Variants in PPP2R2D observed in about 807,000 individuals in gnomAD.
PPP2R2D encodes protein phosphatase 2 regulatory subunit Bdelta, also known as serine/threonine-protein phosphatase 2A 55 kDa regulatory subunit B delta isoform.
Under a neutral mutation model 31.1 loss-of-function variants are expected in PPP2R2D, and 9 were observed. The observed-to-expected ratio is 0.29, with a 90% CI of 0.17 to 0.51. PPP2R2D has a LOEUF of 0.51. PPP2R2D is among the 20% of genes least tolerant of loss of function. The pLI is 0.98. For missense variants in PPP2R2D, 391 were observed against 465.6 expected (o/e 0.84, Z 1.48); for synonymous variants, 179 against 172.6 (o/e 1.04, Z -0.29).
chr10:131,927,479 C>T (rs1006748470), intron 2 of PPP2R2D, among the ~76,000 whole-genome samples: 7 of 152,154 alleles, frequency 4.6e-5, no homozygotes, highest in African/African-American at 1.4e-4. Flanking sequence ...CGAGTGAAGA[C>T]GGATAGCTGC....
intron 2 of PPP2R2D, among the ~76,000 whole-genome samples, chr10:131,902,059 G>A (rs2035509194): frequency 6.6e-6 from 1 of 152,102 alleles, no homozygotes; most frequent in Non-Finnish European, 1.5e-5. Context: ...GGAGGGAACT[G>A]GGAAGTGCCT....
chr10:131,941,397 C>T (rs782633172), intron 5 of PPP2R2D, among the ~76,000 whole-genome samples: 2 of 152,254 alleles, frequency 1.3e-5, no homozygotes, highest in African/African-American at 4.8e-5. Context: ...GAAGGGTGTC[C>T]GGCAAACTGG....
Position 131,956,602 on chromosome 10 carries a change from G to C in PPP2R2D, c.*639G>C. On this transcript the variant is annotated 3_prime_UTR_variant, in exon 9 of 9. Coordinates refer to ENST00000455566, the MANE Select transcript of PPP2R2D (RefSeq NM_018461.5). ...TTATTGCATAGAATGAAGTTATGCA[G>C]GGTTCTTCTTTGGAACTAACTGTTT... 1 of 967,256 alleles carries C rather than the reference G, an allele frequency of 1.0e-6. No individual in the cohort carries two copies. Among genetic ancestry groups the C allele is most frequent in the Non-Finnish European group, 1.2e-6 (1 of 813,352 alleles). 59.9% of individuals were successfully genotyped at this position (967,256 alleles called of 1,614,324 possible).
At chr10:131,910,187 G>A (rs1000172600) in intron 2 of PPP2R2D, among the ~76,000 whole-genome samples, 25 of 152,182 alleles carry the variant, frequency 1.6e-4, no homozygotes, top group Non-Finnish European at 3.2e-4. Flanking sequence ...ACTCTCTTCC[G>A]TCAGAACCCT....
At chr10:131,936,557 C>G (rs1383726974) in intron 3 of PPP2R2D, among the ~76,000 whole-genome samples, 1 of 152,216 alleles carries the variant, frequency 6.6e-6, no homozygotes, top group Non-Finnish European at 1.5e-5. Context: ...GGGAAGATGC[C>G]TCATCCCTGC....
At chr10:131,923,118 A>G (rs1056953277) in intron 2 of PPP2R2D, among the ~76,000 whole-genome samples, 4 of 152,188 alleles carry the variant, frequency 2.6e-5, no homozygotes, top group Non-Finnish European at 5.9e-5. Flanking sequence ...CATCACCCCT[A>G]AAAGAAACCC....
chr10:131,937,426 G>A (rs1554896658), intron 3 of PPP2R2D, among the ~76,000 whole-genome samples: 1 of 152,182 alleles, frequency 6.6e-6, no homozygotes, highest in Non-Finnish European at 1.5e-5. Flanking sequence ...GAAGGTGCTC[G>A]CTTCCTCCTC....
At chr10:131,954,359 C>T (rs1446340446) in intron 8 of PPP2R2D, among the ~76,000 whole-genome samples, 1 of 152,234 alleles carries the variant, frequency 6.6e-6, no homozygotes, top group Admixed American at 6.5e-5. Context: ...TAAATGTAAG[C>T]TTCAGATTCA....
rs1165343319 is a variant in PPP2R2D at position 131,957,066 on chromosome 10, AAAT to A, written c.*1108_*1110del. 1 of 152,316 alleles carries A rather than the reference AAAT, an allele frequency of 6.6e-6. No individual in the cohort carries two copies. The highest frequency in any genetic ancestry group is 1.5e-5 in the Non-Finnish European group (1 of 68,098). 9.4% of individuals were successfully genotyped at this position (152,316 alleles called of 1,614,324 possible). On this transcript the variant is annotated 3_prime_UTR_variant, in exon 9 of 9. Transcript: ENST00000455566. ...ACCAGAAATCAAGATTTTCCAAGAC[AAAT>A]AATACAGAGCTGTACCAATGCTGAG...
At position 131,947,859 on chromosome 10, in the gene PPP2R2D, G is replaced by C; in HGVS notation, c.1082+68G>C. 1 of 1,575,806 alleles carries C rather than the reference G, an allele frequency of 6.3e-7. No individual in the cohort carries two copies. The highest frequency in any genetic ancestry group is 8.6e-7 in the Non-Finnish European group (1 of 1,156,128). On this transcript the variant is annotated intron_variant, in intron 8 of 8. Transcript: ENST00000455566. This position sits in a 1 kb window ranked among gnomAD's most constrained non-coding sequence, Gnocchi z 4.3. ...GTTTCCGAGAGTGCAAGGTCAGTGA[G>C]GGAGGCGAGCTGTCCTCCAGCGTCA...
At chr10:131,927,456 G>A (rs2036128312) in intron 2 of PPP2R2D, among the ~76,000 whole-genome samples, 1 of 152,170 alleles carries the variant, frequency 6.6e-6, no homozygotes, top group Non-Finnish European at 1.5e-5. Context: ...AGAGCTTGGC[G>A]GCGGTGAGAG....
intron 2 of PPP2R2D, among the ~76,000 whole-genome samples, chr10:131,927,873 A>AT (rs1431167899): frequency 6.6e-6 from 1 of 152,144 alleles, no homozygotes; most frequent in Non-Finnish European, 1.5e-5. Flanking sequence ...ATTTGAGTTG[A>AT]TTCTTTTGTG....
At chr10:131,912,546 T>C (rs2035701322) in intron 2 of PPP2R2D, 1 of 152,294 alleles carries the variant, frequency 6.6e-6, no homozygotes. Context: ...AACTGGGCTT[T>C]CTGCTCAGCC....
At chr10:131,943,561 G>A (rs1034895313) in intron 5 of PPP2R2D, among the ~76,000 whole-genome samples, 2 of 152,134 alleles carry the variant, frequency 1.3e-5, no homozygotes, top group Non-Finnish European at 2.9e-5. Context: ...AGTGAGAAGA[G>A]GTGTGTGCAT....
chr10:131,964,817 TC>T (rs1278677742), downstream of PPP2R2D, among the ~76,000 whole-genome samples: 3 of 151,796 alleles, frequency 2.0e-5, no homozygotes, highest in African/African-American at 4.8e-5. Flanking sequence ...CATTTGGGAT[TC>T]CCCCCCAAAA....
chr10:131,961,680 G>A (rs1289858497), downstream of PPP2R2D, among the ~76,000 whole-genome samples: 14 of 152,258 alleles, frequency 9.2e-5, 1 homozygote, highest in South Asian at 2.3e-3. Flanking sequence ...GTGCAGAGGC[G>A]CTGCCGTCCT....
At chr10:131,943,937 G>C (rs782022672) in intron 5 of PPP2R2D, 31 bp from the exon 6 acceptor site, 1 of 784,276 alleles carries the variant, frequency 1.3e-6, no homozygotes, top group East Asian at 2.4e-5. Flanking sequence ...TGTGATCTTT[G>C]TTTTGAATTC....
intron 8 of PPP2R2D, among the ~76,000 whole-genome samples, chr10:131,955,099 A>G (rs576550653): frequency 2.6e-5 from 4 of 152,348 alleles, no homozygotes; most frequent in African/African-American, 7.2e-5. Flanking sequence ...ATTACAGTTG[A>G]TCTTGAAGAA....
chr10:131,920,380 C>T (rs2035959298), intron 2 of PPP2R2D, among the ~76,000 whole-genome samples: 1 of 148,410 alleles, frequency 6.7e-6, no homozygotes, highest in South Asian at 2.2e-4. Flanking sequence ...GTGTAGGGAC[C>T]TCACGTGGGT....
Sources: allele counts gnomAD v4.1 joint callset (sites outside exome capture counted in the v4.1 genomes callset), GRCh38; gene constraint gnomAD v4.1.1; non-coding constraint Gnocchi (gnomAD v3.1); transcripts MANE v1.5; gene names NCBI Gene and HGNC (gene_info 2026-07-23, HGNC 2026-07-21).